ADAMTS3: variants seen among roughly 807,000 people sequenced by gnomAD.
ADAMTS3 encodes the protein ADAM metallopeptidase with thrombospondin type 1 motif 3.
Under a neutral mutation model 129.0 loss-of-function variants are expected in ADAMTS3, and 73 were observed. That is an observed-to-expected ratio of 0.57 (90% CI 0.47 to 0.69). The LOEUF (loss-of-function observed/expected upper bound fraction) is 0.69. Ranked by LOEUF, ADAMTS3 falls within the 30% of genes least tolerant of loss-of-function variation. The pLI is 0.00. For missense variants in ADAMTS3, 1,457 were observed against 1,514.5 expected (o/e 0.96, Z 0.63); for synonymous variants, 477 against 510.8 (o/e 0.93, Z 0.89).
intron 3 of ADAMTS3, among the ~76,000 whole-genome samples, chr4:72,528,287 A>T (rs1458960595): frequency 6.6e-6 from 1 of 152,096 alleles, no homozygotes; most frequent in East Asian, 1.9e-4. Context: ...TTTAAGAGAC[A>T]CACTATATAT....
intron 5 of ADAMTS3, among the ~76,000 whole-genome samples, chr4:72,331,450 A>T (rs905532267): frequency 6.6e-6 from 1 of 152,130 alleles, no homozygotes; most frequent in African/African-American, 2.4e-5. Context: ...CTCTCCTCCA[A>T]ATAATTCTAA....
At chr4:72,528,580 G>C (rs1188573411) in intron 3 of ADAMTS3, among the ~76,000 whole-genome samples, 1 of 147,154 alleles carries the variant, frequency 6.8e-6, no homozygotes, top group East Asian at 2.0e-4. Context: ...CGTGAAAGTA[G>C]ATGAGATGGA....
chr4:72,300,720 T>C (rs773519896), intron 17 of ADAMTS3, among the ~76,000 whole-genome samples: 1 of 152,162 alleles, frequency 6.6e-6, no homozygotes, highest in Admixed American at 6.6e-5. Context: ...CACTGTCCCA[T>C]GTTCTCGCTC....
chr4:72,370,469 G>A (rs1187168396), intron 4 of ADAMTS3, among the ~76,000 whole-genome samples: 2 of 152,054 alleles, frequency 1.3e-5, no homozygotes, highest in Admixed American at 1.3e-4. Context: ...CATTTACATG[G>A]GATAAAGCTT....
intron 5 of ADAMTS3, among the ~76,000 whole-genome samples, chr4:72,336,972 C>A (rs911078661): frequency 1.1e-4 from 16 of 151,498 alleles, no homozygotes; most frequent in Admixed American, 6.6e-5. Context: ...ATAATGAAAA[C>A]CTTGTGACTA....
chr4:72,397,428 C>T (rs1358972284), intron 4 of ADAMTS3, among the ~76,000 whole-genome samples: 1 of 151,706 alleles, frequency 6.6e-6, no homozygotes, highest in African/African-American at 2.4e-5. Flanking sequence ...AGCCAGGTGC[C>T]GTGGCGGGTG....
At chr4:72,389,959 C>G (rs1721547609) in intron 4 of ADAMTS3, among the ~76,000 whole-genome samples, 2 of 152,060 alleles carry the variant, frequency 1.3e-5, no homozygotes, top group South Asian at 4.1e-4. Flanking sequence ...TGTGTATACA[C>G]ACATATAGGC....
At chr4:72,431,710 A>G (rs1031508684) in intron 3 of ADAMTS3, among the ~76,000 whole-genome samples, 2 of 152,014 alleles carry the variant, frequency 1.3e-5, no homozygotes, top group African/African-American at 4.8e-5. Context: ...CAGGTAAGGA[A>G]TACTCAACCT....
rs186784518 is a variant in ADAMTS3 at position 72,497,688 on chromosome 4, A to T, written c.504+50790T>A. Among the ~76,000 whole-genome samples, 425 of 151,912 alleles carry T rather than the reference A, an allele frequency of 2.8e-3. 4 individuals are homozygous for T. The highest frequency in any genetic ancestry group is 9.9e-3 in the African/African-American group (413 of 41,534). On this transcript the variant is annotated intron_variant, in intron 3 of 21. Transcript: ENST00000286657. ...AAACTAAAGCCCTAATATTTAAAAT[A>T]TAACAAAGCTGCCTCCAAAAAAATC...
intron 3 of ADAMTS3, among the ~76,000 whole-genome samples, chr4:72,460,998 A>G (rs1185786370): frequency 9.2e-5 from 14 of 151,764 alleles, no homozygotes; most frequent in Non-Finnish European, 1.5e-5. Flanking sequence ...TAAAGGTTAA[A>G]TACATTTGGG....
At chr4:72,334,637 ATAGGCCT>A (rs1265950244) in intron 5 of ADAMTS3, among the ~76,000 whole-genome samples, 1 of 152,174 alleles carries the variant, frequency 6.6e-6, no homozygotes, top group African/African-American at 2.4e-5. Flanking sequence ...AATACCTAAA[ATAGGCCT>A]TGCACATGGC....
intron 3 of ADAMTS3, among the ~76,000 whole-genome samples, chr4:72,526,570 ATGTG>A (rs56774889): frequency 0.034 from 4,518 of 132,008 alleles, 278 homozygotes; most frequent in African/African-American, 0.12. Flanking sequence ...AATGAAATTT[ATGTG>A]TGTGTGTGTG....
chr4:72,291,519 C>G (rs535251057), intron 19 of ADAMTS3, among the ~76,000 whole-genome samples: 1 of 150,550 alleles, frequency 6.6e-6, no homozygotes, highest in Non-Finnish European at 1.5e-5. Context: ...TTTGTCCTTG[C>G]GATAGTTTAC....
intron 3 of ADAMTS3, among the ~76,000 whole-genome samples, chr4:72,527,987 A>C (rs1720858130): frequency 6.6e-6 from 1 of 152,188 alleles, no homozygotes; most frequent in Non-Finnish European, 1.5e-5. Context: ...TGGATACAGA[A>C]GTAAGCATGA....
In ADAMTS3 at chr4:72,414,900, T is replaced by C. The variant is rs1722266275; in HGVS notation, c.576A>G (p.Glu192=). 2 of 1,585,754 alleles carry C rather than the reference T, an allele frequency of 1.3e-6. No homozygotes were observed. Among genetic ancestry groups the C allele is most frequent in the African/African-American group, 1.4e-5 (1 of 73,110 alleles). The part of the protein sequence containing the change: ...EPLERGKQME[E]EKGRIHVVYK... ...AGACAACATGAATCCTTCCTTTTTC[T>C]TCCTCCATCTGTTTACCTCTTTCCA... The change falls in exon 4 of 22, where the codon GAA becomes GAG. Residue 192 remains glutamate, a synonymous_variant. Transcript: ENST00000286657.
intron 5 of ADAMTS3, among the ~76,000 whole-genome samples, chr4:72,329,899 G>T (rs1295750281): frequency 1.3e-5 from 2 of 151,998 alleles, no homozygotes; most frequent in African/African-American, 4.8e-5. Flanking sequence ...TGTTGCTCAA[G>T]GTTTGTTTGT....
chr4:72,568,636 A>G (rs1168254179), intron 1 of ADAMTS3, 58 bp downstream of exon 1: 2 of 1,372,232 alleles, frequency 1.5e-6, no homozygotes, highest in East Asian at 4.7e-5. Flanking sequence ...GAGGGGAGGA[A>G]CTTTTCGGGA....
intron 4 of ADAMTS3, among the ~76,000 whole-genome samples, chr4:72,404,159 G>A (rs1026201096): frequency 5.3e-5 from 8 of 151,992 alleles, no homozygotes; most frequent in Admixed American, 2.0e-4. Flanking sequence ...TACGGACATA[G>A]AAAAAACAAT....
intron 2 of ADAMTS3, among the ~76,000 whole-genome samples, chr4:72,558,903 C>G (rs2109802872): frequency 6.6e-6 from 1 of 151,756 alleles, no homozygotes; most frequent in East Asian, 1.9e-4. Flanking sequence ...AAATCTCTAC[C>G]AGGAAATGTA....
Sources: gnomAD v4.1 joint callset for allele counts (sites outside exome capture counted in the v4.1 genomes callset) on GRCh38, gnomAD v4.1.1 for gene constraint, MANE v1.5 for transcripts, NCBI Gene and HGNC (gene_info 2026-07-23, HGNC 2026-07-21) for gene names.